The following ECE1 variants were observed in gnomAD, a reference collection of about 807,000 sequenced individuals.
ECE1 encodes endothelin-converting enzyme 1.
Under a neutral mutation model 98.6 loss-of-function variants are expected in ECE1, and 35 were observed. That is an observed-to-expected ratio of 0.35 (90% CI 0.27 to 0.47). The LOEUF is 0.47. Among genes scored for constraint, ECE1 ranks in the 20% least tolerant of loss-of-function variants. The pLI is 1.00. For synonymous variants in ECE1, 394 were observed against 407.1 expected, an observed-to-expected ratio of 0.97 and a Z score of 0.39; for missense variants, 814 against 1,025.3, an observed-to-expected ratio of 0.79 and a Z score of 2.81.
At chr1:21,229,877 A>G (rs778384014) in intron 14 of ECE1, among the ~76,000 whole-genome samples, 1 of 152,182 alleles carries the variant, frequency 6.6e-6, no homozygotes, top group Non-Finnish European at 1.5e-5. Context: ...ACAGAGTATG[A>G]AAGTTCATGA....
chr1:21,309,213 A>C (rs1209823789), intron 1 of ECE1, among the ~76,000 whole-genome samples: 2 of 152,098 alleles, frequency 1.3e-5, no homozygotes, highest in Non-Finnish European at 2.9e-5. Context: ...CACAGAAAGA[A>C]CCCTGGGCTG....
intron 2 of ECE1, chr1:21,279,679 T>C: frequency 2.9e-6 from 4 of 1,399,836 alleles, no homozygotes; most frequent in Middle Eastern, 2.6e-4. Context: ...CTTGCAGGCA[T>C]CCAGTGAGTA....
chr1:21,334,433 A>G (rs1463406259), intron 1 of ECE1, among the ~76,000 whole-genome samples: 2 of 152,346 alleles, frequency 1.3e-5, no homozygotes, highest in Middle Eastern at 3.4e-3. Context: ...GAAACAAGGA[A>G]CCACAAAGCC....
chr1:21,338,254 T>C (rs978058247), intron 1 of ECE1, among the ~76,000 whole-genome samples: 1 of 152,320 alleles, frequency 6.6e-6, no homozygotes, highest in Middle Eastern at 3.4e-3. Context: ...GACATGAGGT[T>C]AGAGTCCCCA....
At chr1:21,315,828 C>T (rs1006960724) in intron 1 of ECE1, among the ~76,000 whole-genome samples, 1 of 151,670 alleles carries the variant, frequency 6.6e-6, no homozygotes, top group Admixed American at 6.6e-5. Flanking sequence ...CCCTATTTTC[C>T]CCATATTCTA....
intron 3 of ECE1, among the ~76,000 whole-genome samples, chr1:21,274,360 C>T (rs1332029650): frequency 1.3e-5 from 2 of 152,236 alleles, no homozygotes; most frequent in Admixed American, 6.5e-5. Context: ...GGCAGTGAGG[C>T]AGGGTGGGCT....
chr1:21,226,687 C>T (rs11799887), intron 16 of ECE1, among the ~76,000 whole-genome samples: 55,408 of 152,020 alleles, frequency 0.36, 10,494 homozygotes, highest in South Asian at 0.47. Flanking sequence ...TTTGCCACCA[C>T]ACCTGGCTAA....
intron 6 of ECE1, 47 bp from the exon 7 acceptor site, chr1:21,257,637 G>C: frequency 1.3e-6 from 2 of 1,585,554 alleles, no homozygotes; most frequent in Non-Finnish European, 1.7e-6. Context: ...TGCAATGCGT[G>C]TATCCACTGC....
intron 1 of ECE1, among the ~76,000 whole-genome samples, chr1:21,318,250 T>C (rs914954852): frequency 6.7e-4 from 102 of 152,222 alleles, no homozygotes; most frequent in African/African-American, 2.4e-3. Flanking sequence ...ATGAAACAAG[T>C]ACCCTGCTGG....
At chr1:21,230,411 C>T (rs2098180328) in intron 14 of ECE1, among the ~76,000 whole-genome samples, 1 of 152,126 alleles carries the variant, frequency 6.6e-6, no homozygotes, top group Non-Finnish European at 1.5e-5. Context: ...AAGTCTTGTT[C>T]TGTCACCCAG....
chr1:21,301,118 G>A (rs947636339), intron 1 of ECE1, among the ~76,000 whole-genome samples: 2 of 152,170 alleles, frequency 1.3e-5, no homozygotes, highest in African/African-American at 4.8e-5. Context: ...AAGCAGGAGT[G>A]AGAATGTTTG....
At chr1:21,270,355 C>G (rs2098238865) in intron 4 of ECE1, among the ~76,000 whole-genome samples, 1 of 152,246 alleles carries the variant, frequency 6.6e-6, no homozygotes, top group Non-Finnish European at 1.5e-5. Context: ...TTCCTTCAGG[C>G]CCTCAGGCTC....
At position 21,345,467 on chromosome 1, in the gene ECE1, C is replaced by T. The variant is rs1205002572; in HGVS notation, c.-89G>A. 14 of 1,164,866 alleles carry T rather than the reference C, an allele frequency of 1.2e-5. No homozygotes were observed. In the East Asian group the frequency reaches 4.6e-4, roughly 38 times the overall value. The allele number at this position is 1,164,866 out of a possible 1,614,324, so 72.2% of individuals were successfully genotyped here. On this transcript the variant is annotated 5_prime_UTR_variant, in exon 1 of 19. Transcript: ENST00000415912. The surrounding 1 kb of genome is among the most constrained non-coding windows in gnomAD (Gnocchi z 5.1). The stretch of plus-strand genomic sequence containing the variant: ...GGGTTCCCTGCTCCCAGCCCAGCTG[C>T]TCGGACGGCTCGGCTGCCTGGCCCA...
At chr1:21,332,646 G>GGGAGGAAACAGGAGGAGAGC (rs1639222124) in intron 1 of ECE1, among the ~76,000 whole-genome samples, 1 of 83,002 alleles carries the variant, frequency 1.2e-5, no homozygotes, top group Non-Finnish European at 2.4e-5. Context: ...GGAAGGGGAG[G>GGGAGGAAACAGGAGGAGAGC]GGAGGAAACA....
chr1:21,318,085 C>T (rs1384591628), intron 1 of ECE1, among the ~76,000 whole-genome samples: 1 of 152,232 alleles, frequency 6.6e-6, no homozygotes, highest in Admixed American at 6.5e-5. Context: ...GACGGTTAAA[C>T]GATTCTTCCC....
In ECE1 at chr1:21,279,352, A is replaced by T; in HGVS notation, c.139-20T>A. On this transcript the variant is annotated intron_variant, in intron 2 of 18. Transcript: ENST00000374893. Reference sequence around the variant, plus strand: ...GTTCACCTGCAGGGAAGGAGGCAGGAGGGGCGGGGAAGACGTGAGCCCCGG... The same window carrying T: ...GTTCACCTGCAGGGAAGGAGGCAGGTGGGGCGGGGAAGACGTGAGCCCCGG... 6.2e-7 allele frequency: 1 copy of T among 1,613,910 alleles called. No individual in the cohort carries two copies.
Position 21,219,915 on chromosome 1 carries a change from C to T in ECE1, c.*40G>A. ...GGCTGGATGGGGGTCTCGTCCTCAG[C>T]CCCTTCCCCTCCTCCGTCTTGGCTC... On this transcript the variant is annotated 3_prime_UTR_variant, in exon 19 of 19. Transcript: ENST00000374893. This position sits in a 1 kb window ranked among gnomAD's most constrained non-coding sequence, Gnocchi z 4.5. The T allele has an allele frequency of 6.2e-7, 1 of 1,612,250 alleles. No homozygotes were observed. Among genetic ancestry groups the T allele is most frequent in the Middle Eastern group, 1.9e-4 (1 of 5,244 alleles).
chr1:21,281,850 C>T (rs1261337651), intron 2 of ECE1, among the ~76,000 whole-genome samples: 1 of 152,202 alleles, frequency 6.6e-6, no homozygotes, highest in Non-Finnish European at 1.5e-5. Context: ...GCATGTGCTA[C>T]CACGCCCGGC....
chr1:21,341,038 C>A (rs1431806117), intron 1 of ECE1, among the ~76,000 whole-genome samples: 1 of 151,902 alleles, frequency 6.6e-6, no homozygotes, highest in Non-Finnish European at 1.5e-5. Context: ...CCCTCCACCC[C>A]CCGCCCCCCA....
Sources: allele counts gnomAD v4.1 joint callset (sites outside exome capture counted in the v4.1 genomes callset), GRCh38; gene constraint gnomAD v4.1.1; non-coding constraint Gnocchi (gnomAD v3.1); transcripts MANE v1.5; gene names NCBI Gene and HGNC (gene_info 2026-07-23, HGNC 2026-07-21).